The following SRRM4 variants were observed in gnomAD, a reference collection of about 807,000 sequenced individuals.
The protein encoded by SRRM4 is serine/arginine repetitive matrix 4.
SRRM4 carries 33 observed loss-of-function variants against 68.9 expected under a neutral mutation model. That is an observed-to-expected ratio of 0.48 (90% CI 0.36 to 0.64). The LOEUF is 0.64. Ranked by LOEUF, SRRM4 falls within the 30% of genes least tolerant of loss-of-function variation. SRRM4 has a pLI of 0.00. For synonymous variants in SRRM4, 318 were observed against 318.8 expected (o/e 1.00, Z 0.03); for missense variants, 817 against 827.1 (o/e 0.99, Z 0.15).
chr12:119,016,355 A>G (rs1157991585), intron 1 of SRRM4, among the ~76,000 whole-genome samples: 1 of 152,020 alleles, frequency 6.6e-6, no homozygotes, highest in Non-Finnish European at 1.5e-5. Context: ...CCCATTCAGT[A>G]ACCACCTTTC....
intron 1 of SRRM4, among the ~76,000 whole-genome samples, chr12:119,075,304 C>T (rs575502823): frequency 6.6e-6 from 1 of 152,224 alleles, no homozygotes; most frequent in East Asian, 1.9e-4. Flanking sequence ...TAATAATTTT[C>T]TGATATTAAT....
chr12:119,154,441 C>T lies in SRRM4; in HGVS notation c.1532+58C>T. On this transcript the variant is annotated intron_variant, in intron 12 of 12. Coordinates refer to ENST00000267260, the MANE Select transcript of SRRM4 (RefSeq NM_194286.4). This position sits in a 1 kb window ranked among gnomAD's most constrained non-coding sequence, Gnocchi z 4.7. ...ATCCTCGTTCCCACTCCCATTCTTA[C>T]TCATTCGAGCCTCAGGCTCTCCCTA... 1 of 1,583,742 alleles carries T rather than the reference C, an allele frequency of 6.3e-7. No individual in the cohort carries two copies. Among genetic ancestry groups the T allele is most frequent in the Non-Finnish European group, 8.6e-7 (1 of 1,161,610 alleles).
At chr12:119,135,776 G>T (rs745654322) in intron 8 of SRRM4, among the ~76,000 whole-genome samples, 9 of 152,192 alleles carry the variant, frequency 5.9e-5, no homozygotes, top group Non-Finnish European at 1.3e-4. Context: ...GTAAAAAGCA[G>T]CTATTCAACA....
chr12:119,008,653 G>A (rs561816422), intron 1 of SRRM4, among the ~76,000 whole-genome samples: 1 of 152,240 alleles, frequency 6.6e-6, no homozygotes, highest in African/African-American at 2.4e-5. Context: ...TATTTCTGAA[G>A]GTGATTCTTT....
At chr12:119,032,449 A>G (rs1400427938) in intron 1 of SRRM4, among the ~76,000 whole-genome samples, 1 of 152,190 alleles carries the variant, frequency 6.6e-6, no homozygotes, top group Non-Finnish European at 1.5e-5. Flanking sequence ...TGTAATGAGT[A>G]TTGACTTTGG....
At chr12:119,103,252 T>C (rs905287727) in intron 2 of SRRM4, among the ~76,000 whole-genome samples, 1 of 152,168 alleles carries the variant, frequency 6.6e-6, no homozygotes, top group Admixed American at 6.5e-5. Flanking sequence ...TTTTATTTCA[T>C]TATTATTTTT....
At chr12:119,057,888 G>A (rs943927811) in intron 1 of SRRM4, among the ~76,000 whole-genome samples, 1 of 152,072 alleles carries the variant, frequency 6.6e-6, no homozygotes, top group Non-Finnish European at 1.5e-5. Flanking sequence ...AATTGCCATT[G>A]GTCCAGGGTT....
chr12:118,982,061 T>G (rs1953251200), intron 1 of SRRM4, 48 bp downstream of exon 1: 3 of 1,566,326 alleles, frequency 1.9e-6, no homozygotes, highest in Middle Eastern at 1.7e-4. Flanking sequence ...TCCTCCTTTC[T>G]GGCCTGTGCC....
chr12:119,102,145 G>T (rs1954081175), intron 1 of SRRM4, 91 bp from the exon 2 acceptor site: 2 of 1,309,698 alleles, frequency 1.5e-6, no homozygotes, highest in Admixed American at 2.2e-5. Flanking sequence ...AAGGGAAGCT[G>T]GGAAATACTA....
intron 1 of SRRM4, among the ~76,000 whole-genome samples, chr12:119,047,461 G>A (rs940560987): frequency 3.9e-5 from 6 of 152,158 alleles, no homozygotes; most frequent in Non-Finnish European, 8.8e-5. Context: ...TACCCAATGT[G>A]TAGTCTTTTA....
Position 119,153,619 on chromosome 12 carries a change from G to T in SRRM4, c.1361G>T (p.Ser454Ile). ...PPSRSSRSRR[S>I]PSYSRYSPSR... ...AGCAGAAGCTCTAGGTCCCGCCGCA[G>T]CCCTAGCTACTCCCGCTACAGCCCC... Residue 454 changes from serine (S) to isoleucine (I), a missense_variant, in exon 11 of 13, where the codon AGC becomes ATC. Physicochemically the swap from Ser to Ile is moderately radical, Grantham distance 142. Transcript: ENST00000267260. 1 of 1,564,552 alleles carries T rather than the reference G, an allele frequency of 6.4e-7. No homozygotes were observed. The highest frequency in any genetic ancestry group is 8.7e-7 in the Non-Finnish European group (1 of 1,155,966).
intron 1 of SRRM4, among the ~76,000 whole-genome samples, chr12:119,099,590 T>G (rs1265805354): frequency 1.3e-5 from 2 of 152,258 alleles, no homozygotes; most frequent in Admixed American, 6.5e-5. Context: ...AAACAGTTAT[T>G]ATGGTTCATA....
chr12:118,996,150 T>C (rs954308242), intron 1 of SRRM4, among the ~76,000 whole-genome samples: 1 of 152,204 alleles, frequency 6.6e-6, no homozygotes, highest in Non-Finnish European at 1.5e-5. Flanking sequence ...GGGAACTAAC[T>C]ACCAGCTCAA....
At chr12:119,062,736 T>A (rs1487554533) in intron 1 of SRRM4, among the ~76,000 whole-genome samples, 1 of 152,206 alleles carries the variant, frequency 6.6e-6, no homozygotes, top group Non-Finnish European at 1.5e-5. Context: ...TACATTATAA[T>A]CGCATGGGAC....
At chr12:118,990,238 T>TAAG (rs1440551697) in intron 1 of SRRM4, among the ~76,000 whole-genome samples, 3 of 152,148 alleles carry the variant, frequency 2.0e-5, no homozygotes, top group Non-Finnish European at 4.4e-5. Flanking sequence ...GTTTATAGGA[T>TAAG]AAGACACTTT....
intron 1 of SRRM4, chr12:119,001,312 A>T (rs1458331647): frequency 1.3e-5 from 2 of 152,120 alleles, no homozygotes; most frequent in African/African-American, 4.8e-5. Flanking sequence ...CTCCTCTTTA[A>T]ATTTCATTGG....
At chr12:119,115,370 G>C (rs1268648132) in intron 3 of SRRM4, among the ~76,000 whole-genome samples, 1 of 152,100 alleles carries the variant, frequency 6.6e-6, no homozygotes, top group African/African-American at 2.4e-5. Context: ...CCACTAACTA[G>C]ACTGAAAGCA....
intron 2 of SRRM4, among the ~76,000 whole-genome samples, chr12:119,109,152 C>CA (rs1249752881): frequency 3.3e-5 from 5 of 152,094 alleles, no homozygotes; most frequent in Admixed American, 3.3e-4. Context: ...TATTGGCCCC[C>CA]ACCCTCTTCT....
At chr12:119,067,541 T>C (rs1210467196) in intron 1 of SRRM4, among the ~76,000 whole-genome samples, 2 of 151,968 alleles carry the variant, frequency 1.3e-5, no homozygotes, top group Non-Finnish European at 2.9e-5. Context: ...ACCCCGTCTT[T>C]ACTAAAAATA....
Sources: allele counts gnomAD v4.1 joint callset (sites outside exome capture counted in the v4.1 genomes callset), GRCh38; gene constraint gnomAD v4.1.1; non-coding constraint Gnocchi (gnomAD v3.1); transcripts MANE v1.5; gene names NCBI Gene and HGNC (gene_info 2026-07-23, HGNC 2026-07-21).